The following SF1 variants were observed in gnomAD, a reference collection of about 807,000 sequenced individuals.
SF1 encodes branch point-binding protein.
SF1 carries 7 observed loss-of-function variants against 62.5 expected under a neutral mutation model. That is an observed-to-expected ratio of 0.11 (90% CI 0.06 to 0.21). The LOEUF is 0.21. Among genes scored for constraint, SF1 ranks in the 10% least tolerant of loss-of-function variants. SF1 has a pLI of 1.00. For synonymous variants in SF1, 394 were observed against 323.6 expected (o/e 1.22, Z -2.33); for missense variants, 578 against 884.0 (o/e 0.65, Z 4.39).
intron 12 of SF1, chr11:64,766,504 C>T (rs1263770055): frequency 2.2e-6 from 1 of 455,832 alleles, no homozygotes; most frequent in Non-Finnish European, 3.9e-6. Flanking sequence ...TGCTGTCTCC[C>T]CACTGCCCAG....
At chr11:64,767,955 G>T in intron 9 of SF1, 111 bp from the exon 10 acceptor site, 2 of 1,480,808 alleles carry the variant, frequency 1.4e-6, no homozygotes, top group Admixed American at 2.4e-5. Context: ...TTCCCGAAGT[G>T]AGAAGTCCCC....
At chr11:64,773,186 A>G (rs886175310) in intron 3 of SF1, 1 of 1,340,346 alleles carries the variant, frequency 7.5e-7, no homozygotes, top group African/African-American at 1.5e-5. Flanking sequence ...ATGCTTACCA[A>G]TTGGAAACCA....
At chr11:64,778,077 GCGGCGGAGGGGGCGGC>G in intron 1 of SF1, 1 of 968,232 alleles carries the variant, frequency 1.0e-6, no homozygotes, top group Non-Finnish European at 1.2e-6. Context: ...TGGTAGAGCG[GCGGCGGAGGGGGCGGC>G]TGCGGCGGCG....
chr11:64,765,700 C>T lies in SF1; in HGVS notation c.*118G>A, dbSNP rs893277638. 8 of 1,464,782 alleles carry T rather than the reference C, an allele frequency of 5.5e-6. No individual in the cohort carries two copies. The highest frequency in any genetic ancestry group is 7.2e-6 in the Non-Finnish European group (8 of 1,110,600). The allele number at this position is 1,464,782 out of a possible 1,614,324, so 90.7% of individuals were successfully genotyped here. A position where few individuals can be genotyped will look rare whatever the true frequency, so the allele number is the denominator to read the frequency against. On this transcript the variant is annotated 3_prime_UTR_variant, in exon 13 of 13. Transcript: ENST00000377390. ...CCCAGTGCGTGCACACACACACATG[C>T]GTGCACACACAATCACATGCGTGCG...
In SF1 at chr11:64,776,778, C is replaced by T. The variant is rs1389769983; in HGVS notation, c.32-152G>A. 4.3e-6 allele frequency: 3 copies of T among 704,706 alleles called. No individual in the cohort carries two copies. In the Admixed American group the frequency reaches 1.0e-4, roughly 24 times the overall value. 43.7% of individuals were successfully genotyped at this position (704,706 alleles called of 1,614,324 possible). A position where few individuals can be genotyped will look rare whatever the true frequency, so the allele number is the denominator to read the frequency against. ...AACATTAAAAAAACAGAAAACAAAC[C>T]TCAGAGATCAGAGATTTAAAGCTTA... On this transcript the variant is annotated intron_variant, in intron 1 of 12. Coordinates refer to ENST00000377390, the MANE Select transcript of SF1 (RefSeq NM_004630.4).
intron 12 of SF1, chr11:64,766,443 CG>C (rs2058677427): frequency 4.0e-6 from 2 of 502,182 alleles, no homozygotes; most frequent in East Asian, 7.2e-5. Context: ...GATGTCCCTC[CG>C]CCCAGCCGCC....
At position 64,767,205 on chromosome 11, in the gene SF1, C is replaced by A; in HGVS notation, c.1389G>T (p.Leu463=). 1 of 1,614,092 alleles carries A rather than the reference C, an allele frequency of 6.2e-7. No individual in the cohort carries two copies. The highest frequency in any genetic ancestry group is 8.5e-7 in the Non-Finnish European group (1 of 1,179,960). Reference sequence around the variant, plus strand: ...GACAGCCATTACCTTTTCCTTGATGCAGGCGATAGACCCCAGAGCCCACAG... The same window carrying A: ...GACAGCCATTACCTTTTCCTTGATGAAGGCGATAGACCCCAGAGCCCACAG... The part of the protein sequence containing the change: ...STPVGSGVYR[L]HQGKGMMPPP... Residue 463 remains leucine, a synonymous_variant, in exon 11 of 13, where the codon CTG becomes CTT. Transcript: ENST00000377390.
At chr11:64,770,580 G>A in intron 3 of SF1, 172 bp from the exon 4 acceptor site, 1 of 683,636 alleles carries the variant, frequency 1.5e-6, no homozygotes, top group Non-Finnish European at 2.4e-6. Flanking sequence ...GGAGATGGAA[G>A]CTGGCTTAAC....
chr11:64,770,445 G>A lies in SF1; in HGVS notation c.237-37C>T, dbSNP rs553278015. On this transcript the variant is annotated intron_variant, in intron 3 of 12. Coordinates refer to ENST00000377390, the MANE Select transcript of SF1 (RefSeq NM_004630.4). The stretch of plus-strand genomic sequence containing the variant: ...AGACTCCCGTTTACTATTCTGCACC[G>A]ACTTCTCTCATTCCCACACGGACTA... The A allele has an allele frequency of 6.9e-6, 11 of 1,597,372 alleles. No individual in the cohort carries two copies. The East Asian group carries it at 1.4e-4, about 20-fold the overall frequency.
intron 1 of SF1, chr11:64,777,848 AGGGGCGCC>A (rs1939594553): frequency 1.1e-6 from 1 of 925,796 alleles, no homozygotes; most frequent in Non-Finnish European, 1.3e-6. Flanking sequence ...GCGCGCGCCC[AGGGGCGCC>A]TCCGCCCGGG....
At chr11:64,778,220 GCC>G in intron 1 of SF1, 140 bp downstream of exon 1, 1 of 1,159,070 alleles carries the variant, frequency 8.6e-7, no homozygotes, top group Non-Finnish European at 1.1e-6. Context: ...CGCGGTCAGG[GCC>G]CCCATCGAGC....
intron 10 of SF1, 79 bp downstream of exon 10, chr11:64,767,492 G>T: frequency 7.1e-7 from 1 of 1,417,968 alleles, no homozygotes. Context: ...CTTGAGAGCT[G>T]CTTCTAGCCA....
intron 10 of SF1, 26 bp downstream of exon 10, chr11:64,767,545 A>G (rs752375288): frequency 6.6e-6 from 10 of 1,526,206 alleles, no homozygotes; most frequent in Non-Finnish European, 8.8e-6. Context: ...AAAGCCCCCA[A>G]GGTTTCTGGT....
At chr11:64,778,301 C>G in intron 1 of SF1, 61 bp downstream of exon 1, 1 of 1,219,472 alleles carries the variant, frequency 8.2e-7, no homozygotes, top group Non-Finnish European at 1.0e-6. Flanking sequence ...AGGCGGAGGG[C>G]CCGGCTCGAA....
At chr11:64,768,064 G>T (rs375133869) in intron 9 of SF1, 42 bp downstream of exon 9, 2 of 1,578,634 alleles carry the variant, frequency 1.3e-6, no homozygotes, top group East Asian at 2.2e-5. Context: ...CTGCAGTAGA[G>T]AATGGGGAAG....
intron 3 of SF1, chr11:64,772,261 T>C: frequency 1.0e-6 from 1 of 984,740 alleles, no homozygotes; most frequent in East Asian, 1.1e-4. Flanking sequence ...AGACATATTA[T>C]TAAAGGGAAA....
chr11:64,770,743 C>T (rs1055345502), intron 3 of SF1: 1 of 194,398 alleles, frequency 5.1e-6, no homozygotes, highest in Non-Finnish European at 1.1e-5. Flanking sequence ...TTGCCAAATA[C>T]GGATTTTCTT....
intron 8 of SF1, among the ~76,000 whole-genome samples, chr11:64,768,692 G>C (rs970466232): frequency 1.3e-5 from 2 of 152,134 alleles, no homozygotes; most frequent in Non-Finnish European, 2.9e-5. Context: ...TTGATATCGA[G>C]TGCTGACTTG....
chr11:64,777,186 G>A (rs920002981), intron 1 of SF1, among the ~76,000 whole-genome samples: 1 of 152,106 alleles, frequency 6.6e-6, no homozygotes, highest in South Asian at 2.1e-4. Context: ...CAGTTTTCCT[G>A]GCCAGTTGGA....
Sources: allele counts gnomAD v4.1 joint callset (sites outside exome capture counted in the v4.1 genomes callset), GRCh38; gene constraint gnomAD v4.1.1; transcripts MANE v1.5; gene names NCBI Gene and HGNC (gene_info 2026-07-23, HGNC 2026-07-21).